REV3L: variants seen among roughly 807,000 people sequenced by gnomAD.
The protein encoded by REV3L is REV3 like, DNA directed polymerase zeta catalytic subunit, also known as DNA polymerase zeta catalytic subunit.
A neutral mutation model predicts 299.4 loss-of-function variants in REV3L; 69 were observed. The observed-to-expected ratio is 0.23, with a 90% CI of 0.19 to 0.28. REV3L has a LOEUF of 0.28. Among genes scored for constraint, REV3L ranks in the 10% least tolerant of loss-of-function variants. REV3L has a pLI of 1.00. For synonymous variants in REV3L, 1,238 were observed against 1,271.4 expected (o/e 0.97, Z 0.56); for missense variants, 3,128 against 3,693.8 (o/e 0.85, Z 3.97).
intron 21 of REV3L, among the ~76,000 whole-genome samples, chr6:111,340,679 A>T (rs1403132504): frequency 6.6e-6 from 1 of 152,100 alleles, no homozygotes; most frequent in African/African-American, 2.4e-5. Flanking sequence ...AGTCAGACTT[A>T]TTTTTTTGTA....
At chr6:111,386,261 G>A (rs919298770) in intron 9 of REV3L, among the ~76,000 whole-genome samples, 1 of 152,054 alleles carries the variant, frequency 6.6e-6, no homozygotes, top group African/African-American at 2.4e-5. Context: ...AGCTAACATT[G>A]TTGTTTAGTC....
chr6:111,319,217 C>T (rs1773865549), intron 26 of REV3L, among the ~76,000 whole-genome samples: 1 of 152,144 alleles, frequency 6.6e-6, no homozygotes, highest in Middle Eastern at 3.2e-3. Flanking sequence ...AATCCCAGCA[C>T]TTTGGGAGGC....
At chr6:111,462,466 A>T (rs767153663) in intron 1 of REV3L, among the ~76,000 whole-genome samples, 16 of 152,188 alleles carry the variant, frequency 1.1e-4, no homozygotes, top group Non-Finnish European at 1.8e-4. Flanking sequence ...AAAAAAACTG[A>T]TAGAACTGGA....
At chr6:111,461,166 TATC>T (rs1790727146) in intron 1 of REV3L, among the ~76,000 whole-genome samples, 1 of 152,126 alleles carries the variant, frequency 6.6e-6, no homozygotes, top group African/African-American at 2.4e-5. Flanking sequence ...AAGGAACTGT[TATC>T]ATAGGAGATG....
intron 1 of REV3L, 43 bp from the exon 2 acceptor site, chr6:111,416,515 T>A (rs1224754361): frequency 2.1e-6 from 3 of 1,456,948 alleles, no homozygotes; most frequent in Non-Finnish European, 2.8e-6. Flanking sequence ...CAGACACAGT[T>A]TAACAATACA....
Position 111,343,921 on chromosome 6 carries a change from G to A in REV3L, c.7538+4C>T, listed in dbSNP as rs538444778. 9.2e-6 allele frequency: 14 copies of A among 1,519,180 alleles called. No homozygotes were observed. In the Admixed American group the frequency reaches 2.6e-4, roughly 28 times the overall value. The allele number at this position is 1,519,180 out of a possible 1,614,324, so 94.1% of individuals were successfully genotyped here. On this transcript the variant is annotated splice_donor_region_variant and intron_variant, in intron 21 of 31. Coordinates refer to ENST00000368802, the MANE Select transcript of REV3L (RefSeq NM_001372078.1). Reference sequence around the variant, plus strand: ...TTACCTTCTTCAGAGTTATAGAACAGTACCTGTATAGATCTGTCTTGTTAT... The same window carrying A: ...TTACCTTCTTCAGAGTTATAGAACAATACCTGTATAGATCTGTCTTGTTAT...
At chr6:111,382,736 G>A (rs151089844) in intron 9 of REV3L, among the ~76,000 whole-genome samples, 10 of 152,284 alleles carry the variant, frequency 6.6e-5, no homozygotes, top group Non-Finnish European at 1.3e-4. Context: ...TGGGGTACAC[G>A]CGCCTGGTGA....
intron 1 of REV3L, among the ~76,000 whole-genome samples, chr6:111,450,831 T>C (rs563258050): frequency 6.6e-6 from 1 of 152,346 alleles, no homozygotes; most frequent in South Asian, 2.1e-4. Flanking sequence ...TCCGCTTTTG[T>C]CCAATCTGTT....
intron 2 of REV3L, among the ~76,000 whole-genome samples, chr6:111,414,774 CCT>C (rs1189853897): frequency 6.6e-6 from 1 of 152,108 alleles, no homozygotes; most frequent in Non-Finnish European, 1.5e-5. Flanking sequence ...AACCTTGATT[CCT>C]CTCTCACAAT....
Position 111,363,961 on chromosome 6 carries a change from T to C in REV3L, c.6771A>G (p.Val2257=). ...LTQAKNQFAA[V]NTPQKETSQI... ...GAGAAGTTTCTTTCTGTGGGGTATT[T>C]ACTGCTGCAAATTGATTCTATAAAA... The change falls in exon 16 of 32, where the codon GTA becomes GTG. Residue 2257 remains valine (V), a synonymous_variant. Transcript: ENST00000368802. 6.2e-7 allele frequency: 1 copy of C among 1,611,088 alleles called. No homozygotes were observed. The highest frequency in any genetic ancestry group is 1.3e-5 in the African/African-American group (1 of 74,918).
intron 1 of REV3L, among the ~76,000 whole-genome samples, chr6:111,443,679 C>T (rs1447815150): frequency 6.6e-6 from 1 of 152,142 alleles, no homozygotes; most frequent in Non-Finnish European, 1.5e-5. Flanking sequence ...TCTGAATAGA[C>T]AAAATGTTCA....
At chr6:111,444,167 TA>T (rs1255078619) in intron 1 of REV3L, among the ~76,000 whole-genome samples, 1 of 152,148 alleles carries the variant, frequency 6.6e-6, no homozygotes, top group Non-Finnish European at 1.5e-5. Flanking sequence ...CACAGGTTCA[TA>T]AAACTATAGA....
chr6:111,370,452 A>G (rs1181497496), intron 13 of REV3L, among the ~76,000 whole-genome samples: 2 of 152,186 alleles, frequency 1.3e-5, no homozygotes, highest in African/African-American at 2.4e-5. Flanking sequence ...ATTACAGGAG[A>G]GAACTTTTAT....
At chr6:111,371,814 T>A (rs1265705720) in intron 13 of REV3L, among the ~76,000 whole-genome samples, 4 of 152,140 alleles carry the variant, frequency 2.6e-5, no homozygotes. Flanking sequence ...TCTGCCCCCC[T>A]CGGCCTCCCA....
chr6:111,305,862 TTAAA>T (rs1435939758), intron 31 of REV3L, among the ~76,000 whole-genome samples: 1 of 152,116 alleles, frequency 6.6e-6, no homozygotes, highest in African/African-American at 2.4e-5. Context: ...CAGAAGTCTA[TTAAA>T]TAAATAGAAG....
Position 111,373,198 on chromosome 6 carries a change from T to A in REV3L, c.5157A>T (p.Arg1719Ser). Residue 1719 changes from arginine (R) to serine (S), a missense_variant, in exon 13 of 32, where the codon AGA (arginine) becomes AGT (serine). Coordinates refer to ENST00000368802, the MANE Select transcript of REV3L (RefSeq NM_001372078.1). ...HHTTDSASWI[R>S]SGTLSPEIFE... ...AAATTTCAGGACTTAAAGTACCAGATCTAATCCATGAGGCTGAGTCTGTGG... is the reference window on the plus strand; with the variant it reads ...AAATTTCAGGACTTAAAGTACCAGAACTAATCCATGAGGCTGAGTCTGTGG... 6.2e-7 allele frequency: 1 copy of A among 1,614,158 alleles called. No homozygotes were observed. The highest frequency in any genetic ancestry group is 8.5e-7 in the Non-Finnish European group (1 of 1,180,010).
At chr6:111,408,653 C>CAAA (rs1783911383) in intron 3 of REV3L, among the ~76,000 whole-genome samples, 2 of 116,904 alleles carry the variant, frequency 1.7e-5, no homozygotes, top group Non-Finnish European at 4.1e-5. Flanking sequence ...AAAACAAAAA[C>CAAA]AACATTATTG....
chr6:111,400,448 T>C (rs1255763317), intron 4 of REV3L, among the ~76,000 whole-genome samples: 1 of 152,204 alleles, frequency 6.6e-6, no homozygotes, highest in Non-Finnish European at 1.5e-5. Context: ...GTGGTAGCCC[T>C]TTGTAGTTTT....
chr6:111,367,016 T>C, intron 14 of REV3L, 99 bp downstream of exon 14: 1 of 1,032,078 alleles, frequency 9.7e-7, no homozygotes, highest in South Asian at 2.1e-5. Flanking sequence ...GAGCTATACC[T>C]TCATTTAAAA....
Sources: gnomAD v4.1 joint callset for allele counts (sites outside exome capture counted in the v4.1 genomes callset) on GRCh38, gnomAD v4.1.1 for gene constraint, MANE v1.5 for transcripts, NCBI Gene and HGNC (gene_info 2026-07-23, HGNC 2026-07-21) for gene names.